Variants in TCF4 observed in about 807,000 individuals in gnomAD.
The protein encoded by TCF4 is transcription factor 4.
Under a neutral mutation model 82.1 loss-of-function variants are expected in TCF4, and 3 were observed. The observed-to-expected ratio is 0.04, with a 90% confidence interval of 0.02 to 0.09. TCF4 has a LOEUF of 0.09. Among genes scored for constraint, TCF4 ranks in the 10% least tolerant of loss-of-function variants. The pLI is 1.00. For synonymous variants in TCF4, 276 were observed against 309.6 expected (o/e 0.89, Z 1.14); for missense variants, 518 against 852.7 (o/e 0.61, Z 4.89).
intron 6 of TCF4, among the ~76,000 whole-genome samples, chr18:55,380,101 G>A (rs1603425272): frequency 6.6e-6 from 1 of 151,774 alleles, no homozygotes; most frequent in Admixed American, 6.6e-5. Context: ...GGCTGGTCTC[G>A]AAACTCCTGG....
At chr18:55,419,688 T>G (rs2094656829) in intron 5 of TCF4, among the ~76,000 whole-genome samples, 1 of 152,196 alleles carries the variant, frequency 6.6e-6, no homozygotes, top group Admixed American at 6.5e-5. Context: ...TTCTTTTTTC[T>G]CAAGCAAACA....
chr18:55,589,828 G>A, upstream of TCF4: 1 of 1,005,484 alleles, frequency 9.9e-7, no homozygotes, highest in South Asian at 4.7e-5. Context: ...CTGCGGCCGC[G>A]GCTGCTCCTC....
chr18:55,351,507 C>A (rs2082314284), intron 6 of TCF4, among the ~76,000 whole-genome samples: 1 of 152,034 alleles, frequency 6.6e-6, no homozygotes, highest in South Asian at 2.1e-4. Flanking sequence ...ATAGCACCCA[C>A]AGAAGAGAAA....
intron 8 of TCF4, among the ~76,000 whole-genome samples, chr18:55,300,259 A>G (rs1044281848): frequency 6.6e-6 from 1 of 152,132 alleles, no homozygotes; most frequent in South Asian, 2.1e-4. Context: ...TTGTTTCTTA[A>G]CTGTGGTACA....
intron 3 of TCF4, among the ~76,000 whole-genome samples, chr18:55,571,300 T>G (rs1447770024): frequency 6.6e-6 from 1 of 152,124 alleles, no homozygotes; most frequent in East Asian, 1.9e-4. Flanking sequence ...CACAAAACAA[T>G]CTATCAGTTT....
At chr18:55,321,898 G>T in intron 8 of TCF4, 1 of 1,406,806 alleles carries the variant, frequency 7.1e-7, no homozygotes, top group Non-Finnish European at 9.2e-7. Flanking sequence ...CTGGCGGGCG[G>T]GGGAGGCCGC....
At chr18:55,390,364 T>C (rs1427550570) in intron 6 of TCF4, among the ~76,000 whole-genome samples, 1 of 146,774 alleles carries the variant, frequency 6.8e-6, no homozygotes, top group Non-Finnish European at 1.5e-5. Flanking sequence ...TACTATACTA[T>C]TAGCTGAAGT....
intron 4 of TCF4, among the ~76,000 whole-genome samples, chr18:55,463,227 A>T (rs564307458): frequency 6.6e-6 from 1 of 152,352 alleles, no homozygotes; most frequent in African/African-American, 2.4e-5. Flanking sequence ...GCAATGATTC[A>T]GTTAAAGAAA....
intron 8 of TCF4, among the ~76,000 whole-genome samples, chr18:55,293,978 G>A (rs1039283515): frequency 4.5e-5 from 3 of 67,168 alleles, no homozygotes; most frequent in Non-Finnish European, 8.5e-5. Flanking sequence ...TTCATATCTT[G>A]GCCAGGCATT....
intron 4 of TCF4, among the ~76,000 whole-genome samples, chr18:55,462,491 T>C (rs1234897944): frequency 6.6e-6 from 1 of 152,196 alleles, no homozygotes; most frequent in Non-Finnish European, 1.5e-5. Context: ...TGCAAACTTC[T>C]GGATTTAGAA....
At chr18:55,305,410 C>T (rs1203263587) in intron 8 of TCF4, among the ~76,000 whole-genome samples, 1 of 152,126 alleles carries the variant, frequency 6.6e-6, no homozygotes, top group Non-Finnish European at 1.5e-5. Flanking sequence ...AACTCTTTCT[C>T]TGTGAAAATT....
chr18:55,503,358 TTCATCA>T (rs140707538), intron 3 of TCF4, among the ~76,000 whole-genome samples: 1 of 151,910 alleles, frequency 6.6e-6, no homozygotes, highest in Non-Finnish European at 1.5e-5. Flanking sequence ...CATCATCAAT[TTCATCA>T]TCATCATCAT....
chr18:55,351,974 A>C, intron 6 of TCF4: 4 of 752,718 alleles, frequency 5.3e-6, no homozygotes, highest in Non-Finnish European at 6.5e-6. Flanking sequence ...CTTGTAATCA[A>C]CTTTTACTGA....
intron 8 of TCF4, among the ~76,000 whole-genome samples, chr18:55,320,049 T>C (rs891549864): frequency 7.2e-5 from 11 of 152,314 alleles, no homozygotes; most frequent in East Asian, 1.9e-4. Context: ...CTGACTACGA[T>C]GGCATCATTC....
At chr18:55,391,066 T>G (rs936739648) in intron 6 of TCF4, among the ~76,000 whole-genome samples, 1 of 152,206 alleles carries the variant, frequency 6.6e-6, no homozygotes, top group Non-Finnish European at 1.5e-5. Flanking sequence ...GACGATGTCA[T>G]AGCAGTGGCA....
intron 13 of TCF4, 111 bp from the exon 14 acceptor site, chr18:55,257,502 AAAC>A (rs1236413925): frequency 1.9e-6 from 2 of 1,046,008 alleles, no homozygotes; most frequent in Admixed American, 1.7e-5. Flanking sequence ...ATTTTCATTT[AAAC>A]AACAACGTAA....
chr18:55,275,588 A>C, intron 10 of TCF4, 31 bp downstream of exon 10: 1 of 1,613,552 alleles, frequency 6.2e-7, no homozygotes, highest in Admixed American at 1.7e-5. Context: ...ACTAGCTGTG[A>C]CATTCCCGTT....
At chr18:55,281,136 C>G (rs939950703) in intron 8 of TCF4, among the ~76,000 whole-genome samples, 2 of 152,066 alleles carry the variant, frequency 1.3e-5, no homozygotes, top group South Asian at 2.1e-4. Context: ...AATGTATAAA[C>G]AGTGATTTGC....
chr18:55,248,627 G>C (rs2054044367), intron 15 of TCF4, among the ~76,000 whole-genome samples: 1 of 152,206 alleles, frequency 6.6e-6, no homozygotes, highest in Non-Finnish European at 1.5e-5. Context: ...GTAACAGAAT[G>C]GTTTCTAATT....
Sources: gnomAD v4.1 joint callset for allele counts (sites outside exome capture counted in the v4.1 genomes callset) on GRCh38, gnomAD v4.1.1 for gene constraint, MANE v1.5 for transcripts, NCBI Gene and HGNC (gene_info 2026-07-23, HGNC 2026-07-21) for gene names.